The following NEBL variants were observed in gnomAD, a reference collection of about 807,000 sequenced individuals.
NEBL encodes nebulette.
NEBL carries 122 observed loss-of-function variants against 140.2 expected under a neutral mutation model. That is an observed-to-expected ratio of 0.87 (90% CI 0.75 to 1.01). The LOEUF (loss-of-function observed/expected upper bound fraction) is 1.01. Among genes scored for constraint, NEBL ranks in the 50% least tolerant of loss-of-function variants. The pLI, the probability that NEBL is intolerant of heterozygous loss-of-function variation, is 0.00. For missense variants in NEBL, 1,365 were observed against 1,231.3 expected (o/e 1.11, Z -1.62); for synonymous variants, 436 against 398.9 (o/e 1.09, Z -1.11).
intron 2 of NEBL, among the ~76,000 whole-genome samples, chr10:21,035,857 G>C (rs1026525657): frequency 3.3e-5 from 5 of 152,116 alleles, no homozygotes; most frequent in African/African-American, 1.2e-4. Flanking sequence ...CAGGAAGAAA[G>C]AGAGTTGTTT....
chr10:21,085,866 G>A (rs757474078), intron 2 of NEBL, among the ~76,000 whole-genome samples: 5 of 152,074 alleles, frequency 3.3e-5, no homozygotes, highest in Non-Finnish European at 7.3e-5. Flanking sequence ...ACTCGGCAGG[G>A]CAGGCAAGTC....
chr10:20,803,755 ACCCTAAATTTCAAAG>A (rs918411107), intron 26 of NEBL, among the ~76,000 whole-genome samples: 12 of 150,378 alleles, frequency 8.0e-5, no homozygotes, highest in Non-Finnish European at 1.8e-4. Context: ...TTCAAAGGGG[ACCCTAAATTTCAAAG>A]CCACTGAGAA....
chr10:21,035,778 C>T (rs1032517541), intron 2 of NEBL, among the ~76,000 whole-genome samples: 1 of 152,114 alleles, frequency 6.6e-6, no homozygotes. Context: ...AAACCTCCCA[C>T]CCAAAGCCCA....
intron 4 of NEBL, among the ~76,000 whole-genome samples, chr10:20,943,019 A>T (rs2131574825): frequency 6.6e-6 from 1 of 152,358 alleles, no homozygotes. Context: ...ACCATTGTGG[A>T]AGTCAGTGTG....
At chr10:21,244,612 A>G (rs1214949246) in intron 3 of NEBL, among the ~76,000 whole-genome samples, 1 of 151,898 alleles carries the variant, frequency 6.6e-6, no homozygotes, top group Non-Finnish European at 1.5e-5. Flanking sequence ...AGATTGCACC[A>G]CTGCACTCCA....
At chr10:20,977,364 T>A (rs1279379295) in intron 3 of NEBL, among the ~76,000 whole-genome samples, 2 of 152,238 alleles carry the variant, frequency 1.3e-5, no homozygotes, top group South Asian at 2.1e-4. Flanking sequence ...CTTGTCAAAA[T>A]TGCTTTGCTT....
At chr10:21,128,023 A>G (rs2132061999) in intron 2 of NEBL, among the ~76,000 whole-genome samples, 1 of 152,352 alleles carries the variant, frequency 6.6e-6, no homozygotes, top group African/African-American at 2.4e-5. Flanking sequence ...TTAGGAAAGC[A>G]TACTAAAATA....
chr10:20,864,293 T>C (rs376641589), intron 7 of NEBL, among the ~76,000 whole-genome samples: 2 of 152,208 alleles, frequency 1.3e-5, no homozygotes, highest in African/African-American at 4.8e-5. Flanking sequence ...AATCCCTTCA[T>C]CTTCGCATAG....
chr10:21,099,351 C>G (rs539834508), intron 2 of NEBL, among the ~76,000 whole-genome samples: 23 of 152,138 alleles, frequency 1.5e-4, no homozygotes, highest in South Asian at 4.2e-4. Flanking sequence ...CCTCTCCTTT[C>G]GCGTCCTCCC....
chr10:20,937,066 C>A (rs1349216364), intron 4 of NEBL, among the ~76,000 whole-genome samples: 1 of 152,136 alleles, frequency 6.6e-6, no homozygotes, highest in Non-Finnish European at 1.5e-5. Context: ...ATTGCACCTG[C>A]CAAGTGCAGC....
intron 3 of NEBL, among the ~76,000 whole-genome samples, chr10:21,003,762 T>C (rs972337553): frequency 3.3e-5 from 5 of 152,224 alleles, no homozygotes; most frequent in African/African-American, 1.2e-4. Context: ...AGGAAAATTG[T>C]CATATAATTC....
At chr10:20,830,012 T>C (rs3791197) in intron 16 of NEBL, among the ~76,000 whole-genome samples, 11,222 of 152,172 alleles carry the variant, frequency 0.074, 758 homozygotes, top group East Asian at 0.18. Context: ...ATGCATTGAC[T>C]TAGGATTTTA....
Position 21,240,963 on chromosome 10 carries a change from G to A in NEBL, n.348+6958C>T, listed in dbSNP as rs552822416. On this transcript the variant is annotated intron_variant and non_coding_transcript_variant, in intron 3 of 8. Transcript: ENST00000675702. ...ACACACACAAAACCAGTATCAAACT[G>A]TCTACAACTTTTGGCATGTTGAGAA... is the stretch of plus-strand genomic sequence containing the variant. Among the ~76,000 whole-genome samples the A allele has an allele frequency of 2.7e-5, 4 of 148,140 alleles. No homozygotes were observed. In the South Asian group the frequency reaches 8.6e-4, roughly 32 times the overall value.
At chr10:20,848,944 A>G (rs1842223600) in intron 11 of NEBL, among the ~76,000 whole-genome samples, 1 of 152,214 alleles carries the variant, frequency 6.6e-6, no homozygotes, top group Non-Finnish European at 1.5e-5. Flanking sequence ...ATTTCAACAA[A>G]TAGCATAGTT....
intron 3 of NEBL, among the ~76,000 whole-genome samples, chr10:20,964,742 C>T (rs1223111777): frequency 1.3e-5 from 2 of 152,116 alleles, no homozygotes; most frequent in East Asian, 3.9e-4. Flanking sequence ...AGTGGAGTTG[C>T]TGACTACCAT....
chr10:20,988,043 T>G (rs1000841940), intron 3 of NEBL, among the ~76,000 whole-genome samples: 2 of 152,214 alleles, frequency 1.3e-5, no homozygotes, highest in East Asian at 1.9e-4. Context: ...TATGGTTCAA[T>G]GTAACACCAA....
chr10:21,029,828 A>G (rs1833703165), intron 2 of NEBL: 2 of 701,684 alleles, frequency 2.9e-6, no homozygotes, highest in South Asian at 3.2e-5. Context: ...CTGGATAGGC[A>G]GTGGCAGAAG....
intron 4 of NEBL, among the ~76,000 whole-genome samples, chr10:20,908,708 A>G (rs1037848244): frequency 4.6e-5 from 7 of 152,124 alleles, no homozygotes; most frequent in Non-Finnish European, 7.4e-5. Context: ...AGATGAACAC[A>G]CTCTGCTCTG....
At chr10:20,786,506 T>A (rs1038554272) in intron 27 of NEBL, among the ~76,000 whole-genome samples, 2 of 152,200 alleles carry the variant, frequency 1.3e-5, no homozygotes, top group Non-Finnish European at 2.9e-5. Context: ...TTTTCCTATA[T>A]TTGTTTTTGT....
Sources: allele counts gnomAD v4.1 joint callset (sites outside exome capture counted in the v4.1 genomes callset), GRCh38; gene constraint gnomAD v4.1.1; transcripts MANE v1.5; gene names NCBI Gene and HGNC (gene_info 2026-07-23, HGNC 2026-07-21).